PLXNA4: variants seen among roughly 807,000 people sequenced by gnomAD.
The protein encoded by PLXNA4 is plexin A4.
A neutral mutation model predicts 191.8 loss-of-function variants in PLXNA4; 44 were observed. The observed-to-expected ratio is 0.23, with a 90% CI of 0.18 to 0.29. The LOEUF is 0.29. Ranked by LOEUF, PLXNA4 falls within the 10% of genes least tolerant of loss-of-function variation. The probability of loss-of-function intolerance (pLI) is 1.00; values close to 1 mark genes in which losing one functional copy is unlikely to be tolerated. For missense variants in PLXNA4, 1,800 were observed against 2,488.8 expected, an observed-to-expected ratio of 0.72 and a Z score of 5.89; for synonymous variants, 1,082 against 1,009.5, an observed-to-expected ratio of 1.07 and a Z score of -1.36.
chr7:132,526,464 C>T (rs138947784), intron 1 of PLXNA4, among the ~76,000 whole-genome samples: 2 of 152,262 alleles, frequency 1.3e-5, no homozygotes, highest in East Asian at 1.9e-4. Flanking sequence ...ATGAGTCTAT[C>T]GGAACAAAGT....
At chr7:132,225,097 C>G (rs1798272010) in intron 8 of PLXNA4, among the ~76,000 whole-genome samples, 1 of 152,138 alleles carries the variant, frequency 6.6e-6, no homozygotes, top group Non-Finnish European at 1.5e-5. Context: ...TCCATCTATT[C>G]TGTATATTGG....
chr7:132,574,215 G>A (rs1802120222), intron 1 of PLXNA4, among the ~76,000 whole-genome samples: 1 of 152,124 alleles, frequency 6.6e-6, no homozygotes, highest in Non-Finnish European at 1.5e-5. Context: ...AAGGAAAGAG[G>A]GTAGGGAGGA....
At chr7:132,210,176 C>G (rs1797749297) in intron 10 of PLXNA4, among the ~76,000 whole-genome samples, 1 of 152,182 alleles carries the variant, frequency 6.6e-6, no homozygotes, top group African/African-American at 2.4e-5. Context: ...GTGTTTGTCT[C>G]TGAGCATCTG....
At chr7:132,606,141 G>T (rs533809271) in intron 2 of PLXNA4, among the ~76,000 whole-genome samples, 1 of 152,318 alleles carries the variant, frequency 6.6e-6, no homozygotes, top group South Asian at 2.1e-4. Flanking sequence ...TCCAGCCTAG[G>T]CGACACAGCA....
chr7:132,599,447 G>A (rs1802776716), intron 2 of PLXNA4, among the ~76,000 whole-genome samples: 1 of 152,124 alleles, frequency 6.6e-6, no homozygotes, highest in Non-Finnish European at 1.5e-5. Flanking sequence ...GACCTCAGGT[G>A]TTCTTAAATT....
chr7:132,636,536 G>A (rs1803611840), intron 2 of PLXNA4, among the ~76,000 whole-genome samples: 1 of 152,176 alleles, frequency 6.6e-6, no homozygotes, highest in Admixed American at 6.5e-5. Context: ...TGGTTGCTAT[G>A]AAAATGCCCA....
intron 3 of PLXNA4, among the ~76,000 whole-genome samples, chr7:132,299,375 A>G (rs1315381032): frequency 6.6e-6 from 1 of 152,224 alleles, no homozygotes; most frequent in Non-Finnish European, 1.5e-5. Context: ...TAAAAGAGTC[A>G]TTCTGAGGAA....
At chr7:132,263,788 G>A (rs996449326) in intron 4 of PLXNA4, among the ~76,000 whole-genome samples, 26 of 152,190 alleles carry the variant, frequency 1.7e-4, no homozygotes, top group Non-Finnish European at 5.9e-5. Flanking sequence ...TGTCACATGA[G>A]ATAATGGTGC....
At position 132,130,375 on chromosome 7, in the gene PLXNA4, A is replaced by C; in HGVS notation, c.*104T>G. ...AGAGAGAAACAGCGCTGCTCAGGGG[A>C]TGCTGCTGATGCCAGTCGGAACTTG... On this transcript the variant is annotated 3_prime_UTR_variant, in exon 32 of 32. Coordinates refer to ENST00000321063, the MANE Select transcript of PLXNA4 (RefSeq NM_020911.2). The C allele has an allele frequency of 6.7e-7, 1 of 1,497,556 alleles. No homozygotes were observed. Among genetic ancestry groups the C allele is most frequent in the Non-Finnish European group, 9.3e-7 (1 of 1,080,964 alleles). The allele number at this position is 1,497,556 out of a possible 1,614,324, so 92.8% of individuals were successfully genotyped here.
intron 1 of PLXNA4, among the ~76,000 whole-genome samples, chr7:132,516,375 C>T (rs985235928): frequency 1.3e-5 from 2 of 152,068 alleles, no homozygotes; most frequent in Non-Finnish European, 2.9e-5. Flanking sequence ...GGTCCACCAG[C>T]TGGAATATCA....
intron 4 of PLXNA4, among the ~76,000 whole-genome samples, chr7:132,249,541 C>A (rs776221769): frequency 1.5e-4 from 23 of 152,140 alleles, no homozygotes; most frequent in Non-Finnish European, 2.8e-4. Context: ...GTGTGGGCTG[C>A]GCTAAAATGG....
rs559731810 is a variant in PLXNA4, at chr7:132,302,682, G to A, written c.1372-4460C>T. Among the ~76,000 whole-genome samples the A allele has an allele frequency of 8.6e-5, 13 of 150,958 alleles. No individual in the cohort carries two copies. In the South Asian group the frequency reaches 1.1e-3, roughly 12 times the overall value. On this transcript the variant is annotated intron_variant, in intron 3 of 31. Transcript: ENST00000321063. ...CATACGAGATCACATTCAGTTCACC[G>A]CTCATAAGGTAGGAACACAATCCAG...
At chr7:132,510,742 G>A (rs1021675024) in intron 1 of PLXNA4, among the ~76,000 whole-genome samples, 2 of 152,200 alleles carry the variant, frequency 1.3e-5, no homozygotes, top group Non-Finnish European at 2.9e-5. Context: ...CAAGAAGACA[G>A]TCAGAGCACG....
At chr7:132,324,339 G>A (rs1802281404) in intron 3 of PLXNA4, among the ~76,000 whole-genome samples, 1 of 152,192 alleles carries the variant, frequency 6.6e-6, no homozygotes, top group African/African-American at 2.4e-5. Context: ...TACTTATTGT[G>A]ACAGAGTTTG....
At chr7:132,598,150 C>G (rs566590551) in intron 2 of PLXNA4, among the ~76,000 whole-genome samples, 43 of 152,062 alleles carry the variant, frequency 2.8e-4, no homozygotes, top group Non-Finnish European at 5.7e-4. Flanking sequence ...GCTCTGTCGC[C>G]CAGGCTGGAG....
At chr7:132,648,560 T>C (rs1803930143) in exon 1 of PLXNA4, 1 of 152,246 alleles carries the variant, frequency 6.6e-6, no homozygotes, top group African/African-American at 2.4e-5. Context: ...TCAGTCCCCA[T>C]GTTCCCTCCT....
chr7:132,615,406 G>A (rs541942829), intron 2 of PLXNA4, among the ~76,000 whole-genome samples: 3 of 152,160 alleles, frequency 2.0e-5, no homozygotes, highest in Non-Finnish European at 2.9e-5. Flanking sequence ...CGCCCCTGGC[G>A]GAGGGGACGG....
At chr7:132,301,096 C>T (rs1301321009) in intron 3 of PLXNA4, among the ~76,000 whole-genome samples, 1 of 152,158 alleles carries the variant, frequency 6.6e-6, no homozygotes, top group African/African-American at 2.4e-5. Context: ...GCAGATTAGT[C>T]CCCACCCTCT....
At chr7:132,462,309 C>T (rs184263449) in intron 3 of PLXNA4, among the ~76,000 whole-genome samples, 91 of 152,112 alleles carry the variant, frequency 6.0e-4, no homozygotes, top group Middle Eastern at 3.4e-3. Context: ...AAAGTCCAAC[C>T]CACATAGCAT....
Sources: allele counts gnomAD v4.1 joint callset (sites outside exome capture counted in the v4.1 genomes callset), GRCh38; gene constraint gnomAD v4.1.1; transcripts MANE v1.5; gene names NCBI Gene and HGNC (gene_info 2026-07-23, HGNC 2026-07-21).